Variants in MVB12B observed in about 807,000 individuals in gnomAD.
MVB12B encodes the protein ESCRT-I complex subunit MVB12B.
Under a neutral mutation model 41.6 loss-of-function variants are expected in MVB12B, and 16 were observed. That is an observed-to-expected ratio of 0.38 (90% CI 0.26 to 0.58). MVB12B has a LOEUF of 0.58. Ranked by LOEUF, MVB12B falls within the 20% of genes least tolerant of loss-of-function variation. The probability of loss-of-function intolerance (pLI) is 0.62; values close to 1 mark genes in which losing one functional copy is unlikely to be tolerated. For missense variants in MVB12B, 274 were observed against 380.2 expected, an observed-to-expected ratio of 0.72 and a Z score of 2.32; for synonymous variants, 133 against 139.7, an observed-to-expected ratio of 0.95 and a Z score of 0.34.
chr9:126,469,251 G>A (rs867552572), intron 7 of MVB12B, among the ~76,000 whole-genome samples: 12 of 152,300 alleles, frequency 7.9e-5, no homozygotes, highest in Middle Eastern at 3.4e-3. Flanking sequence ...GAGACAGGCC[G>A]GCAGGACCCC....
At chr9:126,449,363 A>G (rs763757167) in intron 7 of MVB12B, among the ~76,000 whole-genome samples, 14 of 152,050 alleles carry the variant, frequency 9.2e-5, no homozygotes, top group Non-Finnish European at 2.1e-4. Flanking sequence ...GGCAGATGGC[A>G]ACGGCTGTAG....
intron 7 of MVB12B, among the ~76,000 whole-genome samples, chr9:126,444,371 T>C (rs1193957024): frequency 2.0e-5 from 3 of 152,180 alleles, no homozygotes; most frequent in African/African-American, 7.2e-5. Flanking sequence ...ACTTGCTAAC[T>C]GGTAATTTTT....
rs769983252 is a variant in MVB12B, at chr9:126,468,045, T to C, written c.758-13324T>C. Among the ~76,000 whole-genome samples the C allele has an allele frequency of 3.8e-4, 58 of 152,228 alleles. No individual in the cohort carries two copies. The highest frequency in any genetic ancestry group is 7.4e-4 in the Non-Finnish European group (50 of 68,024). ...GTGCGCTTATGTATCTGTCTACAAC[T>C]ACATATTAAAACCGACTTTATAATG... is the stretch of plus-strand genomic sequence containing the variant. On this transcript the variant is annotated intron_variant, in intron 7 of 9. Transcript: ENST00000361171. This position sits in a 1 kb window ranked among gnomAD's most constrained non-coding sequence, Gnocchi z 4.3.
chr9:126,398,905 G>C (rs943181137), intron 6 of MVB12B, among the ~76,000 whole-genome samples: 1 of 151,934 alleles, frequency 6.6e-6, no homozygotes, highest in Non-Finnish European at 1.5e-5. Flanking sequence ...TTGGAATGCC[G>C]TTCATTCCCA....
rs1340199890 is a variant in MVB12B at position 126,395,082 on chromosome 9, A to G, written c.540-493A>G. 5.3e-5 allele frequency among the ~76,000 whole-genome samples: 8 copies of G among 152,226 alleles called. No individual in the cohort carries two copies. Among genetic ancestry groups the G allele is most frequent in the Admixed American group, 4.6e-4 (7 of 15,294 alleles). On this transcript the variant is annotated intron_variant, in intron 5 of 9. Transcript: ENST00000361171. The surrounding 1 kb of genome is among the most constrained non-coding windows in gnomAD (Gnocchi z 4.9). ...TTTTGTAGTTTGAAGATGACTCCCA[A>G]ACTGACCCTGAGAATGAGTCCAACG...
rs564250657 is a variant in MVB12B at position 126,375,393 on chromosome 9, C to G, written c.205-5671C>G. On this transcript the variant is annotated intron_variant, in intron 2 of 9. Coordinates refer to ENST00000361171, the MANE Select transcript of MVB12B (RefSeq NM_033446.3). ...TTTTTTTTTTTTTTTGTCAAATAGC[C>G]TTAGGTGCATTGTTTTCATTGTTCT... Among the ~76,000 whole-genome samples the G allele has an allele frequency of 2.1e-4, 16 of 75,728 alleles. No individual in the cohort carries two copies. The East Asian group carries it at 4.9e-3, about 23-fold the overall frequency. 49.7% of individuals were successfully genotyped at this position (75,728 alleles called of 152,430 possible).
intron 7 of MVB12B, among the ~76,000 whole-genome samples, chr9:126,446,511 CAAA>C (rs34637951): frequency 1.8e-5 from 2 of 113,780 alleles, no homozygotes; most frequent in Non-Finnish European, 1.9e-5. Flanking sequence ...AAAAGAACAC[CAAA>C]AAAAAAAAAA....
chr9:126,442,559 G>C (rs1311595894), intron 7 of MVB12B, among the ~76,000 whole-genome samples: 3 of 152,140 alleles, frequency 2.0e-5, no homozygotes, highest in Non-Finnish European at 4.4e-5. Flanking sequence ...ACTTGGAAAT[G>C]TAAATTGGAA....
chr9:126,371,652 AC>A (rs554905470), intron 2 of MVB12B, among the ~76,000 whole-genome samples: 5 of 152,292 alleles, frequency 3.3e-5, no homozygotes, highest in African/African-American at 1.2e-4. Flanking sequence ...TGTTTTTCCT[AC>A]CATGCATTCT....
intron 2 of MVB12B, among the ~76,000 whole-genome samples, chr9:126,350,637 C>G (rs1478432307): frequency 6.6e-6 from 1 of 152,140 alleles, no homozygotes; most frequent in Non-Finnish European, 1.5e-5. Context: ...CATGCTAGCT[C>G]AGATCTCTTC....
chr9:126,384,995 C>T (rs1830739469), intron 3 of MVB12B, among the ~76,000 whole-genome samples: 1 of 151,994 alleles, frequency 6.6e-6, no homozygotes, highest in Admixed American at 6.6e-5. Context: ...AGTGCCACCA[C>T]ACCCAGCCAA....
At chr9:126,497,148 GAGCTCTT>G (rs1833854320) in intron 9 of MVB12B, among the ~76,000 whole-genome samples, 1 of 152,154 alleles carries the variant, frequency 6.6e-6, no homozygotes, top group South Asian at 2.1e-4. Flanking sequence ...TCTGCTTCTG[GAGCTCTT>G]AGCTCCAGGG....
chr9:126,485,909 C>T (rs955736303), intron 9 of MVB12B, among the ~76,000 whole-genome samples: 1 of 152,102 alleles, frequency 6.6e-6, no homozygotes, highest in Non-Finnish European at 1.5e-5. Context: ...TCACACGCCA[C>T]AGCCAGCTCT....
chr9:126,446,953 T>C (rs892461715), intron 7 of MVB12B, among the ~76,000 whole-genome samples: 12 of 147,780 alleles, frequency 8.1e-5, no homozygotes, highest in Admixed American at 7.4e-4. Context: ...TTTTTTTTTT[T>C]TTTTCCTTTG....
At chr9:126,446,293 A>G (rs1031264368) in intron 7 of MVB12B, among the ~76,000 whole-genome samples, 3 of 152,178 alleles carry the variant, frequency 2.0e-5, no homozygotes, top group East Asian at 3.9e-4. Context: ...AGTTATTGTT[A>G]TATTTCTGAA....
chr9:126,420,194 A>G (rs575043254), intron 6 of MVB12B, among the ~76,000 whole-genome samples: 1 of 152,316 alleles, frequency 6.6e-6, no homozygotes, highest in Non-Finnish European at 1.5e-5. Flanking sequence ...GTCACGTTGC[A>G]CTGTGATTTG....
At chr9:126,411,633 A>T (rs1051984330) in intron 6 of MVB12B, among the ~76,000 whole-genome samples, 1 of 152,170 alleles carries the variant, frequency 6.6e-6, no homozygotes, top group Non-Finnish European at 1.5e-5. Flanking sequence ...GCTTGTGTCA[A>T]TTACAAAACG....
intron 7 of MVB12B, among the ~76,000 whole-genome samples, chr9:126,444,674 T>G (rs1452068028): frequency 2.0e-5 from 3 of 152,234 alleles, no homozygotes; most frequent in African/African-American, 7.2e-5. Context: ...CATCACGTTT[T>G]AGAAAAGCCT....
chr9:126,381,879 C>G (rs1588125727), intron 3 of MVB12B, among the ~76,000 whole-genome samples: 1 of 151,930 alleles, frequency 6.6e-6, no homozygotes, highest in Non-Finnish European at 1.5e-5. Context: ...AGTGGAAGTT[C>G]CTTTCCATTG....
Sources: allele counts gnomAD v4.1 joint callset (sites outside exome capture counted in the v4.1 genomes callset), GRCh38; gene constraint gnomAD v4.1.1; non-coding constraint Gnocchi (gnomAD v3.1); transcripts MANE v1.5; gene names NCBI Gene and HGNC (gene_info 2026-07-23, HGNC 2026-07-21).